The following SLC25A53 variants were observed in gnomAD, a reference collection of about 807,000 sequenced individuals.
SLC25A53 encodes mitochondrial carrier triple repeat protein 6.
A neutral mutation model predicts 15.0 loss-of-function variants in SLC25A53; 5 were observed. The ratio of observed to expected loss-of-function variants is 0.33; its 90% CI spans 0.17 to 0.70. The LOEUF is 0.70. SLC25A53 is among the 30% of genes least tolerant of loss of function. The probability of loss-of-function intolerance (pLI) is 0.67; values close to 1 mark genes in which losing one functional copy is unlikely to be tolerated. For missense variants in SLC25A53, 216 were observed against 241.6 expected, an observed-to-expected ratio of 0.89 and a Z score of 0.70; for synonymous variants, 95 against 100.0, an observed-to-expected ratio of 0.95 and a Z score of 0.30.
intron 1 of SLC25A53, among the ~76,000 whole-genome samples, chrX:104,152,831 T>C (rs1357682079): frequency 1.8e-5 from 2 of 112,437 alleles, no homozygotes; most frequent in Middle Eastern, 4.6e-3. Flanking sequence ...CCAGTTTGTA[T>C]GGACTTTTTG....
At chrX:104,115,168 G>A (rs782806420) in intron 1 of SLC25A53, 1 of 1,209,291 alleles carries the variant, frequency 8.3e-7, no homozygotes, top group South Asian at 1.8e-5. Context: ...CTCATATTGT[G>A]GGGAGGAGGG....
chrX:104,115,178 G>A (rs781894710), intron 1 of SLC25A53: 2 of 1,209,651 alleles, frequency 1.7e-6, no homozygotes, highest in Admixed American at 2.2e-5. Context: ...GGGGAGGAGG[G>A]CCACTCAAAA....
intron 1 of SLC25A53, among the ~76,000 whole-genome samples, chrX:104,116,473 G>A (rs1556361365): frequency 9.0e-6 from 1 of 110,910 alleles, no homozygotes; most frequent in African/African-American, 3.3e-5. Flanking sequence ...TCAGGGAAAG[G>A]AGCACAGAGC....
chrX:104,118,279 C>A (rs947833552), intron 1 of SLC25A53, among the ~76,000 whole-genome samples: 10 of 111,865 alleles, frequency 8.9e-5, no homozygotes, highest in African/African-American at 3.3e-4. Flanking sequence ...TCAGGAGAAA[C>A]CAGCCTTTGA....
chrX:104,149,651 G>C (rs1057032879), intron 1 of SLC25A53, among the ~76,000 whole-genome samples: 1 of 111,904 alleles, frequency 8.9e-6, no homozygotes, highest in Non-Finnish European at 1.9e-5. Context: ...CCTAGCCTCA[G>C]AAGTCACAGT....
intron 1 of SLC25A53, among the ~76,000 whole-genome samples, chrX:104,128,199 TTATTTTAA>T (rs1556364824): frequency 9.0e-6 from 1 of 111,688 alleles, no homozygotes; most frequent in Non-Finnish European, 1.9e-5. Flanking sequence ...AAAGTGACAG[TTATTTTAA>T]TAATATATTT....
At chrX:104,143,194 T>C (rs2075456014) in intron 1 of SLC25A53, among the ~76,000 whole-genome samples, 1 of 111,187 alleles carries the variant, frequency 9.0e-6, no homozygotes, top group Non-Finnish European at 1.9e-5. Flanking sequence ...ACGCCTCTTC[T>C]CCTTCAAAGG....
intron 1 of SLC25A53, among the ~76,000 whole-genome samples, chrX:104,122,129 T>C (rs886139329): frequency 8.6e-5 from 9 of 104,598 alleles, no homozygotes; most frequent in Admixed American, 6.3e-4. Context: ...AAAATTTTCA[T>C]TGTGGTAAAA....
Position 104,149,017 on chromosome X carries a change from T to G in SLC25A53, c.-32+7861A>C, listed in dbSNP as rs909900843. On this transcript the variant is annotated intron_variant, in intron 1 of 1. Coordinates refer to ENST00000594199, the MANE Select transcript of SLC25A53 (RefSeq NM_001012755.5). ...GCACAATTATCTATAGATTTTTCAT[T>G]TATCCACAGCAGTTTCATTTAGCAT... Among the ~76,000 whole-genome samples the G allele has an allele frequency of 5.3e-5, 6 of 112,303 alleles. No homozygotes were observed. In the Admixed American group the frequency reaches 5.7e-4, roughly 11 times the overall value.
chrX:104,149,749 A>G (rs782258097), intron 1 of SLC25A53, among the ~76,000 whole-genome samples: 29 of 112,159 alleles, frequency 2.6e-4, no homozygotes, highest in Admixed American at 5.7e-4. Flanking sequence ...TTCTCAATGG[A>G]AGGGTGGCAA....
At position 104,149,799 on chromosome X, in the gene SLC25A53, C is replaced by T. The variant is rs782029011; in HGVS notation, c.-32+7079G>A. On this transcript the variant is annotated intron_variant, in intron 1 of 1. Transcript: ENST00000594199. Reference sequence around the variant, plus strand: ...AGAGAGTGTGGGATGACAGGTACTACGGTGGCCATCTCTGAAAAATACAAT... The same window carrying T: ...AGAGAGTGTGGGATGACAGGTACTATGGTGGCCATCTCTGAAAAATACAAT... Among the ~76,000 whole-genome samples the T allele has an allele frequency of 1.5e-3, 165 of 111,828 alleles. 1 individual carries two copies. Among genetic ancestry groups the T allele is most frequent in the Non-Finnish European group, 2.7e-3 (142 of 53,187 alleles).
chrX:104,156,283 A>T (rs1302740544), intron 1 of SLC25A53, among the ~76,000 whole-genome samples: 1 of 110,675 alleles, frequency 9.0e-6, no homozygotes, highest in Non-Finnish European at 1.9e-5. Flanking sequence ...GTGGCACCCA[A>T]TAGATTTTCA....
intron 1 of SLC25A53, among the ~76,000 whole-genome samples, chrX:104,110,716 G>A (rs1556358040): frequency 1.8e-5 from 2 of 112,104 alleles, no homozygotes; most frequent in African/African-American, 6.5e-5. Flanking sequence ...CCTGCATGCC[G>A]TTTCCATGGA....
chrX:104,124,367 A>C (rs2075403917), intron 1 of SLC25A53, among the ~76,000 whole-genome samples: 1 of 111,972 alleles, frequency 8.9e-6, no homozygotes. Context: ...TCTTCTTTTG[A>C]GAAGTGTCTG....
intron 1 of SLC25A53, among the ~76,000 whole-genome samples, chrX:104,138,682 TTTA>T (rs782508759): frequency 8.9e-6 from 1 of 112,109 alleles, no homozygotes; most frequent in African/African-American, 3.2e-5. Context: ...AGTTCAAGAT[TTTA>T]TTAAGTGGAA....
intron 1 of SLC25A53, among the ~76,000 whole-genome samples, chrX:104,139,356 A>C (rs1247937513): frequency 8.9e-6 from 1 of 112,397 alleles, no homozygotes; most frequent in Non-Finnish European, 1.9e-5. Flanking sequence ...TGTCTCTACT[A>C]AAACTACAAA....
At chrX:104,118,871 T>C (rs1556362098) in intron 1 of SLC25A53, among the ~76,000 whole-genome samples, 2 of 112,578 alleles carry the variant, frequency 1.8e-5, no homozygotes, top group Non-Finnish European at 3.8e-5. Context: ...TTGTGCGCCA[T>C]ACACAAGGAT....
intron 1 of SLC25A53, 22 bp from the exon 2 acceptor site, chrX:104,105,310 A>G (rs186317230): frequency 9.8e-7 from 1 of 1,017,077 alleles, no homozygotes; most frequent in Non-Finnish European, 1.3e-6. Context: ...GGAAAAAAAG[A>G]GATTAGACTG....
At chrX:104,131,489 A>G (rs2075425560) in intron 1 of SLC25A53, among the ~76,000 whole-genome samples, 1 of 111,460 alleles carries the variant, frequency 9.0e-6, no homozygotes, top group Non-Finnish European at 1.9e-5. Flanking sequence ...TGAGGTAAAG[A>G]CAGACCTCTT....
Sources: gnomAD v4.1 joint callset for allele counts (sites outside exome capture counted in the v4.1 genomes callset) on GRCh38, gnomAD v4.1.1 for gene constraint, MANE v1.5 for transcripts, NCBI Gene and HGNC (gene_info 2026-07-23, HGNC 2026-07-21) for gene names.